The following ASIC2 variants were observed in gnomAD, a reference collection of about 807,000 sequenced individuals.
ASIC2 encodes acid sensing ion channel subunit 2, also known as acid-sensing ion channel 2.
A neutral mutation model predicts 57.3 loss-of-function variants in ASIC2; 25 were observed. The observed-to-expected ratio is 0.44, with a 90% CI of 0.32 to 0.61. The LOEUF is 0.61. Ranked by LOEUF, ASIC2 falls within the 20% of genes least tolerant of loss-of-function variation. The probability of loss-of-function intolerance (pLI) is 0.06; values close to 1 mark genes in which losing one functional copy is unlikely to be tolerated. For synonymous variants in ASIC2, 319 were observed against 307.5 expected, an observed-to-expected ratio of 1.04 and a Z score of -0.39; for missense variants, 641 against 738.1, an observed-to-expected ratio of 0.87 and a Z score of 1.52.
intron 3 of ASIC2, among the ~76,000 whole-genome samples, chr17:33,044,346 C>A (rs997914972): frequency 6.6e-6 from 1 of 151,950 alleles, no homozygotes; most frequent in Admixed American, 6.6e-5. Flanking sequence ...CACCCATCCA[C>A]CTTCTATGTG....
At chr17:33,482,818 C>T (rs1309414508) in intron 1 of ASIC2, among the ~76,000 whole-genome samples, 6 of 152,200 alleles carry the variant, frequency 3.9e-5, no homozygotes, top group South Asian at 2.1e-4. Context: ...AGCCTTCTCT[C>T]GGACACACCT....
At chr17:33,914,421 G>A (rs1319122761) in intron 1 of ASIC2, among the ~76,000 whole-genome samples, 2 of 152,166 alleles carry the variant, frequency 1.3e-5, no homozygotes. Flanking sequence ...TTCAATTCGT[G>A]TGCAATAGAG....
At chr17:34,002,176 A>G in intron 1 of ASIC2, 1 of 152,234 alleles carries the variant, frequency 6.6e-6, no homozygotes, top group Non-Finnish European at 1.5e-5. Context: ...CTGTTTTGTG[A>G]TAGGACTCTA....
chr17:33,115,163 G>C (rs1305070986), intron 1 of ASIC2, among the ~76,000 whole-genome samples: 1 of 152,176 alleles, frequency 6.6e-6, no homozygotes, highest in Non-Finnish European at 1.5e-5. Context: ...AATCTTTCCT[G>C]CTCCTTCTTC....
intron 1 of ASIC2, chr17:34,038,146 A>C (rs1333717920): frequency 1.9e-5 from 31 of 1,612,912 alleles, no homozygotes; most frequent in Non-Finnish European, 2.5e-5. Flanking sequence ...TTTCTAAAAG[A>C]ATATTACCTG....
chr17:33,480,364 G>A (rs1913363291), intron 1 of ASIC2, among the ~76,000 whole-genome samples: 1 of 152,162 alleles, frequency 6.6e-6, no homozygotes, highest in Non-Finnish European at 1.5e-5. Flanking sequence ...TCTCCAAGGA[G>A]GTAACAATTC....
chr17:34,154,146 T>C (rs955783620), intron 1 of ASIC2, among the ~76,000 whole-genome samples: 1 of 152,222 alleles, frequency 6.6e-6, no homozygotes, highest in Non-Finnish European at 1.5e-5. Context: ...TCCATGTGTG[T>C]TCAGGCAGAC....
chr17:33,727,163 G>A (rs1299224973), intron 1 of ASIC2, among the ~76,000 whole-genome samples: 1 of 152,078 alleles, frequency 6.6e-6, no homozygotes, highest in Non-Finnish European at 1.5e-5. Context: ...TCTTGATCTA[G>A]TCTAACTCTT....
chr17:33,087,185 A>G (rs2092137553), intron 3 of ASIC2, among the ~76,000 whole-genome samples: 1 of 152,122 alleles, frequency 6.6e-6, no homozygotes, highest in South Asian at 2.1e-4. Flanking sequence ...TCTTTACTGG[A>G]TAATCCTTGT....
chr17:33,930,609 CT>C (rs1346311451), intron 1 of ASIC2, among the ~76,000 whole-genome samples: 2 of 152,224 alleles, frequency 1.3e-5, no homozygotes, highest in African/African-American at 4.8e-5. Flanking sequence ...TATCATTTCC[CT>C]GTAGGAAGCC....
chr17:33,368,991 C>G (rs73982765), intron 1 of ASIC2, among the ~76,000 whole-genome samples: 6,124 of 152,214 alleles, frequency 0.04, 392 homozygotes, highest in African/African-American at 0.14. Context: ...AGTCTGCCAC[C>G]TTCCTGTTCT....
chr17:34,047,799 A>C (rs1908395069), intron 1 of ASIC2, among the ~76,000 whole-genome samples: 1 of 152,210 alleles, frequency 6.6e-6, no homozygotes, highest in South Asian at 2.1e-4. Context: ...TGCAGCCCTC[A>C]TAAGTCAGTC....
intron 1 of ASIC2, among the ~76,000 whole-genome samples, chr17:33,347,909 C>T (rs549729574): frequency 3.9e-4 from 59 of 152,288 alleles, no homozygotes; most frequent in African/African-American, 1.4e-3. Context: ...CAAGACCAGC[C>T]TGGCCAACAT....
intron 1 of ASIC2, among the ~76,000 whole-genome samples, chr17:33,420,092 T>C (rs745737406): frequency 1.3e-5 from 2 of 152,234 alleles, no homozygotes; most frequent in Non-Finnish European, 2.9e-5. Flanking sequence ...TGCATTATCA[T>C]AAGCTGCGCT....
intron 1 of ASIC2, among the ~76,000 whole-genome samples, chr17:33,738,805 T>C (rs937577659): frequency 6.6e-6 from 1 of 152,200 alleles, no homozygotes; most frequent in Non-Finnish European, 1.5e-5. Context: ...GAACAAGGTG[T>C]ATCAAGTCTT....
At chr17:33,881,011 A>T (rs1914685542) in intron 1 of ASIC2, among the ~76,000 whole-genome samples, 1 of 152,236 alleles carries the variant, frequency 6.6e-6, no homozygotes, top group South Asian at 2.1e-4. Flanking sequence ...GACAAAAACC[A>T]CATGATTATC....
At chr17:33,675,624 T>C (rs1345655422) in intron 1 of ASIC2, among the ~76,000 whole-genome samples, 1 of 152,122 alleles carries the variant, frequency 6.6e-6, no homozygotes, top group Non-Finnish European at 1.5e-5. Context: ...CAGGCTGGAG[T>C]GCAGTGGTGC....
At chr17:33,066,924 C>T (rs891602653) in intron 3 of ASIC2, among the ~76,000 whole-genome samples, 9 of 152,108 alleles carry the variant, frequency 5.9e-5, no homozygotes, top group Non-Finnish European at 1.2e-4. Context: ...TGGGTGATTA[C>T]AGGGCAGTAA....
chr17:33,246,893 G>A (rs1908710600), intron 1 of ASIC2, among the ~76,000 whole-genome samples: 1 of 152,124 alleles, frequency 6.6e-6, no homozygotes, highest in Non-Finnish European at 1.5e-5. Context: ...CCCCAGCACA[G>A]CCAGTTTGTC....
Sources: gnomAD v4.1 joint callset for allele counts (sites outside exome capture counted in the v4.1 genomes callset) on GRCh38, gnomAD v4.1.1 for gene constraint, MANE v1.5 for transcripts, NCBI Gene and HGNC (gene_info 2026-07-23, HGNC 2026-07-21) for gene names.